COL16A1: variants seen among roughly 807,000 people sequenced by gnomAD.
The protein encoded by COL16A1 is collagen type XVI alpha 1 chain.
A neutral mutation model predicts 266.3 loss-of-function variants in COL16A1; 189 were observed. The observed-to-expected ratio is 0.71, with a 90% confidence interval of 0.63 to 0.80. The LOEUF is 0.80. COL16A1 is among the 30% of genes least tolerant of loss of function. COL16A1 has a pLI of 0.00. For missense variants in COL16A1, 1,928 were observed against 2,122.4 expected (o/e 0.91, Z 1.80); for synonymous variants, 740 against 782.3 (o/e 0.95, Z 0.90).
Position 31,663,944 on chromosome 1 carries a change from G to A in COL16A1, c.3555+1228C>T, listed in dbSNP as rs1053599396. 6.6e-6 allele frequency among the ~76,000 whole-genome samples: 1 copy of A among 152,144 alleles called. No individual in the cohort carries two copies. The highest frequency in any genetic ancestry group is 1.5e-5 in the Non-Finnish European group (1 of 68,030). ...ATCAGTGGCTGTAGGGTGGTCAAGG[G>A]AAGGAATCCCGCTAGAGAGACCCAG... On this transcript the variant is annotated intron_variant, in intron 56 of 70. Coordinates refer to ENST00000373672, the MANE Select transcript of COL16A1 (RefSeq NM_001856.4). This position sits in a 1 kb window ranked among gnomAD's most constrained non-coding sequence, Gnocchi z 4.9.
intron 39 of COL16A1, 135 bp downstream of exon 39, chr1:31,680,770 A>C: frequency 6.5e-7 from 1 of 1,537,144 alleles, no homozygotes; most frequent in South Asian, 1.2e-5. Context: ...AGGCAGCTTC[A>C]TGTGCACAGG....
rs778956733 is a variant in COL16A1 at position 31,694,178 on chromosome 1, G to A, written c.982-8C>T. ...AGAGGGAGCAAGTGTGACCTGAGGG[G>A]ACAGAGGAGAGGGCATCACACTTCC... On this transcript the variant is annotated splice_polypyrimidine_tract_variant and splice_region_variant and intron_variant, in intron 11 of 70. Transcript: ENST00000373672. 1 of 1,586,186 alleles carries A rather than the reference G, an allele frequency of 6.3e-7. No homozygotes were observed. The highest frequency in any genetic ancestry group is 1.7e-5 in the Admixed American group (1 of 58,158).
Position 31,698,632 on chromosome 1 carries a change from CTGAGGCTCCAA to C in COL16A1, c.267-37_267-27del. ...CTGGAGATGGAGCAGGGAGGGTGCC[CTGAGGCTCCAA>C]TGAGGACCCAAATGCTGCCCACCCT... On this transcript the variant is annotated intron_variant, in intron 4 of 70. Transcript: ENST00000373672. This position sits in a 1 kb window ranked among gnomAD's most constrained non-coding sequence, Gnocchi z 4.1. 6.2e-7 allele frequency: 1 copy of C among 1,611,586 alleles called. No individual in the cohort carries two copies. The highest frequency in any genetic ancestry group is 8.5e-7 in the Non-Finnish European group (1 of 1,179,258).
chr1:31,684,523 C>A lies in COL16A1; in HGVS notation c.2160G>T (p.Lys720Asn). ...ACCCCAACCACCCCGCCTGACTAAC[C>A]TTTTCTCCTTTTGGCCCCGCGGGGC... is the stretch of plus-strand genomic sequence containing the variant. ...VQGPAGPKGEKGDGCTACPSL... is the reference protein window; with the variant it reads ...VQGPAGPKGENGDGCTACPSL... Residue 720 changes from lysine (K) to asparagine (N), a missense_variant and splice_region_variant, in exon 31 of 71, where the codon AAG becomes AAT. Physicochemically the swap from Lys to Asn is moderately conservative, Grantham distance 94 (BLOSUM62 0). Transcript: ENST00000373672. The A allele has an allele frequency of 6.2e-7, 1 of 1,611,730 alleles. No individual in the cohort carries two copies.
chr1:31,679,769 G>A lies in COL16A1; in HGVS notation c.2718+35C>T, dbSNP rs945957631. The A allele has an allele frequency of 5.0e-6, 8 of 1,586,952 alleles. No homozygotes were observed. The African/African-American group carries it at 8.1e-5, about 16-fold the overall frequency. On this transcript the variant is annotated intron_variant, in intron 41 of 70. Coordinates refer to ENST00000373672, the MANE Select transcript of COL16A1 (RefSeq NM_001856.4). The stretch of plus-strand genomic sequence containing the variant: ...AGCTGTTTAGGGTGGACAAGCCGCG[G>A]GGCGCTGGCGGACAAGAGGAGACAA...
In COL16A1 at chr1:31,661,724, G is replaced by A. The variant is rs776471898; in HGVS notation, c.3682-20C>T. On this transcript the variant is annotated intron_variant, in intron 58 of 70. Transcript: ENST00000373672. ...GTCCCCCTAGGGAAAGAGACGAGGA[G>A]GATTGAGACAAGAGTTTTGCCCAGC... The A allele has an allele frequency of 1.3e-6, 2 of 1,590,828 alleles. No homozygotes were observed. Among genetic ancestry groups the A allele is most frequent in the Admixed American group, 1.9e-5 (1 of 51,388 alleles).
Position 31,662,323 on chromosome 1 carries a change from C to A in COL16A1, c.3681+11G>T. ...GGAAGGGGTGCCCGCCCTCCCAGCC[C>A]ATCATCTCACCCTCAAGCCAGGCTT... On this transcript the variant is annotated intron_variant, in intron 58 of 70. Coordinates refer to ENST00000373672, the MANE Select transcript of COL16A1 (RefSeq NM_001856.4). 1 of 1,609,384 alleles carries A rather than the reference C, an allele frequency of 6.2e-7. No homozygotes were observed. The highest frequency in any genetic ancestry group is 1.1e-5 in the South Asian group (1 of 89,960).
intron 49 of COL16A1, 149 bp from the exon 50 acceptor site, chr1:31,669,004 G>T: frequency 1.5e-6 from 1 of 671,276 alleles, no homozygotes. Context: ...AAGGTGACCC[G>T]TAATGGGTGT....
At chr1:31,659,008 T>G (rs1327064387) in intron 62 of COL16A1, 44 bp from the exon 63 acceptor site, 18 of 1,537,816 alleles carry the variant, frequency 1.2e-5, no homozygotes, top group Non-Finnish European at 1.6e-5. Flanking sequence ...GTTCTAATAG[T>G]AAGACCCCTG....
Position 31,697,975 on chromosome 1 carries a change from G to T in COL16A1, c.588C>A (p.Pro196=), listed in dbSNP as rs756319253. The T allele has an allele frequency of 6.2e-7, 1 of 1,613,470 alleles. No individual in the cohort carries two copies. Among genetic ancestry groups the T allele is most frequent in the Non-Finnish European group, 8.5e-7 (1 of 1,180,024 alleles). ...CSSASSQPLG[P]RRPMRPVGHV... ...GGCCCACAGGCCTCATGGGTCGTCG[G>T]GGCCCCAGAGGCTGGGAGGAGGCTG... The change falls in exon 6 of 71, where the codon CCC becomes CCA. Residue 196 remains proline (P), a synonymous_variant. Transcript: ENST00000373672. The surrounding 1 kb of genome is among the most constrained non-coding windows in gnomAD (Gnocchi z 4.2).
rs1642099545 is a variant in COL16A1 at position 31,665,932 on chromosome 1, G to A, written c.3406C>T (p.Pro1136Ser). The change falls in exon 54 of 71, where the codon CCC (proline) becomes TCC (serine). Residue 1136 changes from proline to serine, a missense_variant. Transcript: ENST00000373672. ...CCTTGGGGTCCTCGCTCTCCTCTGG[G>A]ACCCTGTCACCCACAGAGAACAATG... ...GLPGPPGPAG[P>S]RGERGPQGNS... The A allele has an allele frequency of 1.9e-6, 3 of 1,614,078 alleles. No individual in the cohort carries two copies. The highest frequency in any genetic ancestry group is 1.6e-4 in the Middle Eastern group (1 of 6,062).
rs1324020522 is a variant in COL16A1, at chr1:31,684,520, A to G, written c.2160+3T>C. Reference sequence around the variant, plus strand: ...CCGACCCCAACCACCCCGCCTGACTAACCTTTTCTCCTTTTGGCCCCGCGG... The same window carrying G: ...CCGACCCCAACCACCCCGCCTGACTGACCTTTTCTCCTTTTGGCCCCGCGG... On this transcript the variant is annotated splice_donor_region_variant and intron_variant, in intron 31 of 70. Transcript: ENST00000373672. 1.9e-6 allele frequency: 3 copies of G among 1,610,706 alleles called. No individual in the cohort carries two copies. In the African/African-American group the frequency reaches 4.0e-5, roughly 22 times the overall value.
chr1:31,677,286 G>A (rs1237668853), intron 42 of COL16A1, among the ~76,000 whole-genome samples: 3 of 152,120 alleles, frequency 2.0e-5, no homozygotes, highest in African/African-American at 7.2e-5. Context: ...ACGGGGTTTC[G>A]CCATGCTGGC....
In COL16A1 at chr1:31,664,167, GGGGAAGGGGA is replaced by G. The variant is rs1641927533; in HGVS notation, c.3555+995_3555+1004del. 3.7e-5 allele frequency among the ~76,000 whole-genome samples: 1 copy of G among 27,208 alleles called. No homozygotes were observed. Among genetic ancestry groups the G allele is most frequent in the African/African-American group, 4.0e-5 (1 of 24,888 alleles). 17.8% of individuals were successfully genotyped at this position (27,208 alleles called of 152,430 possible). A position where few individuals can be genotyped will look rare whatever the true frequency, so the allele number is the denominator to read the frequency against. On this transcript the variant is annotated intron_variant, in intron 56 of 70. Transcript: ENST00000373672. The surrounding 1 kb of genome is among the most constrained non-coding windows in gnomAD (Gnocchi z 5.5). ...TCCTGGGGAGGGGAAGGAAGGGGAAGGGGAAGGGGAAGGGGAAGGGGAAGGGGAAGGGGGC... is the reference window on the plus strand; with the variant it reads ...TCCTGGGGAGGGGAAGGAAGGGGAAGAGGGGAAGGGGAAGGGGAAGGGGGC...
Position 31,684,195 on chromosome 1 carries a change from T to C in COL16A1, c.2197A>G (p.Thr733Ala), listed in dbSNP as rs1643863793. 1 of 1,533,968 alleles carries C rather than the reference T, an allele frequency of 6.5e-7. No homozygotes were observed. The highest frequency in any genetic ancestry group is 8.8e-7 in the Non-Finnish European group (1 of 1,137,682). ...GGCCGTCCTGCCATGTCTGTCACTG[T>C]CCCCTGCAGGCTGGGGCAGGCAGTG... ...GCTACPSLQG[T>A]VTDMAGRPGQ... Residue 733 changes from threonine (T) to alanine (A), a missense_variant, in exon 32 of 71, where the codon ACA (threonine) becomes GCA (alanine). Physicochemically the swap from Thr to Ala is moderately conservative, Grantham distance 58. Around this residue, in one of 2 missense-constraint regions of COL16A1, gnomAD observed 1,552 missense variants for 1,637.2 expected, o/e 0.95. Coordinates refer to ENST00000373672, the MANE Select transcript of COL16A1 (RefSeq NM_001856.4).
At chr1:31,671,516 C>A in intron 48 of COL16A1, 99 bp downstream of exon 48, 1 of 1,501,682 alleles carries the variant, frequency 6.7e-7, no homozygotes, top group Non-Finnish European at 9.2e-7. Context: ...CTCCTCCTGC[C>A]TTGCCCAGCC....
At position 31,702,149 on chromosome 1, in the gene COL16A1, C is replaced by T. The variant is rs771308521; in HGVS notation, c.45G>A (p.Trp15Ter). 7 of 1,614,070 alleles carry T rather than the reference C, an allele frequency of 4.3e-6. No homozygotes were observed. The highest frequency in any genetic ancestry group is 2.2e-5 in the South Asian group (2 of 91,090). The change falls in exon 2 of 71, where the codon TGG becomes TGA. Residue 15 changes from tryptophan to a stop codon, truncating the protein, a stop_gained. Coordinates refer to ENST00000373672, the MANE Select transcript of COL16A1 (RefSeq NM_001856.4). LOFTEE classifies it high-confidence loss of function. ...TATTTGCCCCATGGCCGAAGGTAGC[C>T]CAAAGACCGAGCAGCCACAGGCCAG... The part of the protein sequence containing the change: ...WAPGLWLLGL[W>*]ATFGHGANTG...
chr1:31,658,843 T>G (rs1641396853), intron 63 of COL16A1, 71 bp downstream of exon 63: 1 of 1,520,220 alleles, frequency 6.6e-7, no homozygotes, highest in Non-Finnish European at 8.9e-7. Context: ...CCCAGCTTCC[T>G]CTGAATGGAG....
At chr1:31,672,660 C>T (rs979391485) in intron 45 of COL16A1, 23 bp from the exon 46 acceptor site, 2 of 1,605,812 alleles carry the variant, frequency 1.2e-6, no homozygotes, top group Non-Finnish European at 1.7e-6. Context: ...ATGAGAGGCA[C>T]ATTGTCTGAT....
Sources: allele counts gnomAD v4.1 joint callset (sites outside exome capture counted in the v4.1 genomes callset), GRCh38; gene constraint gnomAD v4.1.1; regional missense constraint gnomAD v4.1.1; non-coding constraint Gnocchi (gnomAD v3.1); transcripts MANE v1.5; gene names NCBI Gene and HGNC (gene_info 2026-07-23, HGNC 2026-07-21).